CTNND2: variants seen among roughly 807,000 people sequenced by gnomAD.
CTNND2 encodes the protein catenin delta-2.
CTNND2 carries 22 observed loss-of-function variants against 144.4 expected under a neutral mutation model. That is an observed-to-expected ratio of 0.15 (90% confidence interval 0.11 to 0.22). The LOEUF is 0.22. Ranked by LOEUF, CTNND2 falls within the 10% of genes least tolerant of loss-of-function variation. CTNND2 has a pLI of 1.00. For synonymous variants in CTNND2, 751 were observed against 695.6 expected, an observed-to-expected ratio of 1.08 and a Z score of -1.25; for missense variants, 1,353 against 1,618.8, an observed-to-expected ratio of 0.84 and a Z score of 2.82.
rs566896497 is a variant in CTNND2, at chr5:10,988,502, C to T, written c.3212-260G>A. Reference sequence around the variant, plus strand: ...GGCAACTGGGGACCACATCCTGGGGCCATCTTCCTCAGAGAGAGATCATGG... The same window carrying T: ...GGCAACTGGGGACCACATCCTGGGGTCATCTTCCTCAGAGAGAGATCATGG... On this transcript the variant is annotated intron_variant, in intron 19 of 21. Transcript: ENST00000304623. The surrounding 1 kb of genome is among the most constrained non-coding windows in gnomAD (Gnocchi z 5.9). Among the ~76,000 whole-genome samples, 41 of 152,244 alleles carry T rather than the reference C, an allele frequency of 2.7e-4. 1 individual carries two copies. Among genetic ancestry groups the T allele is most frequent in the African/African-American group, 9.6e-4 (40 of 41,530 alleles).
At chr5:11,867,812 A>G (rs1032518422) in intron 1 of CTNND2, among the ~76,000 whole-genome samples, 10 of 151,962 alleles carry the variant, frequency 6.6e-5, no homozygotes, top group African/African-American at 2.4e-4. Context: ...ACACCAACTT[A>G]CACTGTGACT....
intron 10 of CTNND2, among the ~76,000 whole-genome samples, chr5:11,205,531 C>A (rs906026304): frequency 1.3e-5 from 2 of 151,914 alleles, no homozygotes; most frequent in Non-Finnish European, 2.9e-5. Context: ...TTATAGATCC[C>A]AAACTAGATG....
intron 2 of CTNND2, among the ~76,000 whole-genome samples, chr5:11,724,840 A>C (rs900272446): frequency 2.0e-5 from 3 of 152,198 alleles, no homozygotes; most frequent in Non-Finnish European, 2.9e-5. Flanking sequence ...CAAATGACTA[A>C]ATCTATTGAC....
chr5:10,998,347 G>C (rs978921444), intron 18 of CTNND2, among the ~76,000 whole-genome samples: 2 of 152,082 alleles, frequency 1.3e-5, no homozygotes, highest in African/African-American at 4.8e-5. Flanking sequence ...AGGGGAGAAG[G>C]GAGCTTAAGG....
intron 1 of CTNND2, among the ~76,000 whole-genome samples, chr5:11,760,556 G>T (rs1311731798): frequency 1.3e-5 from 2 of 152,082 alleles, no homozygotes; most frequent in African/African-American, 4.8e-5. Context: ...TATAGATAAG[G>T]TAATTGTAAA....
At chr5:11,085,640 G>T (rs897926628) in intron 15 of CTNND2, among the ~76,000 whole-genome samples, 1 of 152,226 alleles carries the variant, frequency 6.6e-6, no homozygotes, top group Non-Finnish European at 1.5e-5. Context: ...CCAGGTAAAA[G>T]ATGGAATATA....
intron 12 of CTNND2, among the ~76,000 whole-genome samples, chr5:11,126,590 C>T (rs1271019328): frequency 3.3e-5 from 5 of 152,162 alleles, no homozygotes; most frequent in Middle Eastern, 3.4e-3. Flanking sequence ...AGAAGGTCAC[C>T]GTCCAGCAAG....
At chr5:11,803,222 A>C (rs898571314) in intron 1 of CTNND2, among the ~76,000 whole-genome samples, 7 of 152,090 alleles carry the variant, frequency 4.6e-5, no homozygotes, top group African/African-American at 1.7e-4. Flanking sequence ...CAGGAGGCTG[A>C]GGCAGGAGAA....
At chr5:11,414,995 T>A (rs577709186) in intron 3 of CTNND2, among the ~76,000 whole-genome samples, 1 of 152,242 alleles carries the variant, frequency 6.6e-6, no homozygotes, top group Non-Finnish European at 1.5e-5. Context: ...TTAATCAGCC[T>A]ATCATTGATG....
intron 2 of CTNND2, among the ~76,000 whole-genome samples, chr5:11,642,929 A>C (rs1782143661): frequency 6.6e-6 from 1 of 152,202 alleles, no homozygotes; most frequent in Admixed American, 6.5e-5. Flanking sequence ...ATGGAGACTC[A>C]TGCTGCATGC....
rs1248145236 is a variant in CTNND2, at chr5:10,972,663, A to T, written c.*790T>A. ...GTGAAAAAGCACTTTGTTGACAAGG[A>T]GTGTGGAATGATGTATGTTAATTGT... On this transcript the variant is annotated 3_prime_UTR_variant, in exon 22 of 22. Transcript: ENST00000304623. 1 of 152,654 alleles carries T rather than the reference A, an allele frequency of 6.6e-6. No individual in the cohort carries two copies. Among genetic ancestry groups the T allele is most frequent in the Non-Finnish European group, 1.5e-5 (1 of 68,030 alleles). 9.5% of individuals were successfully genotyped at this position (152,654 alleles called of 1,614,324 possible). A position where few individuals can be genotyped will look rare whatever the true frequency, so the allele number is the denominator to read the frequency against.
intron 15 of CTNND2, among the ~76,000 whole-genome samples, chr5:11,097,908 C>T (rs922720301): frequency 1.3e-5 from 2 of 152,124 alleles, no homozygotes; most frequent in Non-Finnish European, 2.9e-5. Context: ...AGCAAATTAG[C>T]GCATTGGTGA....
chr5:11,623,810 A>ATG (rs1465087711), intron 2 of CTNND2, among the ~76,000 whole-genome samples: 15 of 9,900 alleles, frequency 1.5e-3, no homozygotes, highest in African/African-American at 3.2e-3. Context: ...GTGTGTATGT[A>ATG]TATATATATA....
chr5:11,760,478 GTTT>G (rs1032951812), intron 1 of CTNND2, among the ~76,000 whole-genome samples: 2 of 152,144 alleles, frequency 1.3e-5, no homozygotes. Context: ...ATCAAGAATA[GTTT>G]TTGTTATTTT....
intron 7 of CTNND2, among the ~76,000 whole-genome samples, chr5:11,377,370 T>A (rs894689753): frequency 6.6e-6 from 1 of 152,174 alleles, no homozygotes; most frequent in African/African-American, 2.4e-5. Flanking sequence ...GTTTTGTCTC[T>A]TTTGTGACTT....
At chr5:11,606,911 G>GA (rs1780079474) in intron 2 of CTNND2, among the ~76,000 whole-genome samples, 1 of 152,174 alleles carries the variant, frequency 6.6e-6, no homozygotes, top group African/African-American at 2.4e-5. Context: ...CAGAACACAT[G>GA]AATGTGATTA....
intron 3 of CTNND2, among the ~76,000 whole-genome samples, chr5:11,513,813 T>C (rs1163198896): frequency 2.6e-5 from 4 of 152,140 alleles, no homozygotes; most frequent in Non-Finnish European, 5.9e-5. Flanking sequence ...TAGAGACACA[T>C]AGCCACACCT....
intron 2 of CTNND2, among the ~76,000 whole-genome samples, chr5:11,723,852 C>T (rs1368067685): frequency 2.6e-5 from 4 of 151,922 alleles, no homozygotes; most frequent in South Asian, 2.1e-4. Flanking sequence ...GTCAGGAGAT[C>T]GAGACATTCC....
intron 1 of CTNND2, among the ~76,000 whole-genome samples, chr5:11,900,052 GTAATATA>G (rs750742616): frequency 6.6e-6 from 1 of 152,056 alleles, no homozygotes; most frequent in Non-Finnish European, 1.5e-5. Context: ...ACAAAATATT[GTAATATA>G]TAATATATAA....
Sources: gnomAD v4.1 joint callset for allele counts (sites outside exome capture counted in the v4.1 genomes callset) on GRCh38, gnomAD v4.1.1 for gene constraint, Gnocchi (gnomAD v3.1) non-coding constraint, MANE v1.5 for transcripts, NCBI Gene and HGNC (gene_info 2026-07-23, HGNC 2026-07-21) for gene names.